Variants in MSH6 observed in about 807,000 individuals in gnomAD.
MSH6 encodes the protein DNA mismatch repair protein Msh6.
A neutral mutation model predicts 119.1 loss-of-function variants in MSH6; 85 were observed. The observed-to-expected ratio is 0.71, with a 90% CI of 0.60 to 0.85. The LOEUF (loss-of-function observed/expected upper bound fraction) is 0.85. Ranked by LOEUF, MSH6 falls within the 40% of genes least tolerant of loss-of-function variation. The probability of loss-of-function intolerance (pLI) is 0.00; values close to 1 mark genes in which losing one functional copy is unlikely to be tolerated. For synonymous variants in MSH6, 830 were observed against 586.9 expected (o/e 1.41, Z -5.99); for missense variants, 2,163 against 1,655.3 (o/e 1.31, Z -5.32).
At chr2:47,788,721 C>T (rs1330015400) in intron 1 of MSH6, among the ~76,000 whole-genome samples, 2 of 149,938 alleles carry the variant, frequency 1.3e-5, no homozygotes, top group Admixed American at 1.3e-4. Context: ...AGGCGCCTGC[C>T]ACCATGCCCA....
chr2:47,800,557 T>C lies in MSH6; in HGVS notation c.2574T>C (p.Phe858=), dbSNP rs1669483395. The change falls in exon 4 of 10, where the codon TTT becomes TTC. Residue 858 remains phenylalanine (F), a synonymous_variant. Coordinates refer to ENST00000234420, the MANE Select transcript of MSH6 (RefSeq NM_000179.3). ...ACAGCAAGAAGAAGATTATTGATTT[T>C]CTTTCTGCTCTGGAAGGATTCAAAG... The part of the protein sequence containing the change: ...TTYSKKKIID[F]LSALEGFKVM... 6.2e-7 allele frequency: 1 copy of C among 1,613,774 alleles called. No individual in the cohort carries two copies. Among genetic ancestry groups the C allele is most frequent in the Non-Finnish European group, 8.5e-7 (1 of 1,179,964 alleles).
intron 3 of MSH6, chr2:47,798,015 G>T: frequency 4.7e-6 from 1 of 213,836 alleles, no homozygotes; most frequent in East Asian, 1.1e-4. Context: ...TGCTTTCCCT[G>T]GGCAGAGAAT....
chr2:47,798,450 A>C (rs34553984), intron 3 of MSH6, among the ~76,000 whole-genome samples, 161 bp from the exon 4 acceptor site: 26 of 152,382 alleles, frequency 1.7e-4, no homozygotes, highest in Admixed American at 1.4e-3. Context: ...TATAATAAGG[A>C]ATTGCCTATC....
rs1194694864 is a variant in MSH6, at chr2:47,800,586, TGTGTAAAA to T, written c.2604_2611del (p.Met868IlefsTer10). 6.2e-7 allele frequency: 1 copy of T among 1,613,926 alleles called. No homozygotes were observed. Among genetic ancestry groups the T allele is most frequent in the Non-Finnish European group, 8.5e-7 (1 of 1,180,002 alleles). ...TCTGCTCTGGAAGGATTCAAAGTAA[TGTGTAAAA>T]TTATAGGGATCATGGAAGAAGTTGC... On this transcript the variant is annotated frameshift_variant, in exon 4 of 10. Transcript: ENST00000234420. LOFTEE classifies it high-confidence loss of function.
At chr2:47,783,671 G>C in intron 1 of MSH6, 178 bp downstream of exon 1, 2 of 603,864 alleles carry the variant, frequency 3.3e-6, no homozygotes, top group Non-Finnish European at 2.6e-6. Flanking sequence ...AGCATTTGGG[G>C]GTGTAGCTTG....
chr2:47,794,079 G>A (rs536568867), intron 2 of MSH6, among the ~76,000 whole-genome samples: 28 of 150,288 alleles, frequency 1.9e-4, no homozygotes, highest in African/African-American at 5.1e-4. Context: ...GGTGGCTCAC[G>A]CCTGTAATCC....
rs747477669 is a variant in MSH6 at position 47,796,061 on chromosome 2, G to T, written c.625G>T (p.Glu209Ter). 1 of 1,614,140 alleles carries T rather than the reference G, an allele frequency of 6.2e-7. No homozygotes were observed. The highest frequency in any genetic ancestry group is 1.1e-5 in the South Asian group (1 of 91,086). ...AGAGCCAGAAGAGGAAGAAGAGATGGAGGTGGGACACGGCAAGCATTCAGT... is the reference window on the plus strand; with the variant it reads ...AGAGCCAGAAGAGGAAGAAGAGATGTAGGTGGGACACGGCAAGCATTCAGT... Reference protein sequence around the residue: ...PSEPEEEEEMEVGTTYVTDKS... With the variant: ...PSEPEEEEEM The change falls in exon 3 of 10, where the codon GAG becomes TAG. Residue 209 changes from glutamate to a stop codon, truncating the protein, a stop_gained and splice_region_variant. Transcript: ENST00000234420. LOFTEE classifies it high-confidence loss of function.
Position 47,799,983 on chromosome 2 carries a change from A to AT in MSH6, c.2002dup (p.Ser668PhefsTer11). The AT allele has an allele frequency of 6.2e-7, 1 of 1,614,096 alleles. No homozygotes were observed. The highest frequency in any genetic ancestry group is 8.5e-7 in the Non-Finnish European group (1 of 1,180,006). ...CTTAAAGGTATGACTTCAGAGTCTGATTCCATTGGGTTGACACCAGGAGAG... is the reference window on the plus strand; with the variant it reads ...CTTAAAGGTATGACTTCAGAGTCTGATTTCCATTGGGTTGACACCAGGAGAG... On this transcript the variant is annotated frameshift_variant, in exon 4 of 10. Coordinates refer to ENST00000234420, the MANE Select transcript of MSH6 (RefSeq NM_000179.3). LOFTEE classifies it high-confidence loss of function.
At chr2:47,796,681 C>T (rs887650672) in intron 3 of MSH6, among the ~76,000 whole-genome samples, 14 of 152,202 alleles carry the variant, frequency 9.2e-5, no homozygotes, top group African/African-American at 3.1e-4. Flanking sequence ...TTGTTAGGGG[C>T]CAGGTGTGGT....
chr2:47,793,994 A>G (rs1668917671), intron 2 of MSH6, among the ~76,000 whole-genome samples: 1 of 151,690 alleles, frequency 6.6e-6, no homozygotes, highest in Non-Finnish European at 1.5e-5. Context: ...GGCCTCCCAA[A>G]GTGCTGGGAT....
rs1669783413 is a variant in MSH6, at chr2:47,803,828, T to TATAAA, written c.3438+146_3438+150dup. ...AGCAAAGGGAAATTACTCCCTGTGT[T>TATAAA]ATAAAATTGAGAATTATATTTAGCT... is the stretch of plus-strand genomic sequence containing the variant. On this transcript the variant is annotated intron_variant, in intron 5 of 9. Transcript: ENST00000234420. 3.1e-5 allele frequency: 27 copies of TATAAA among 862,376 alleles called. No homozygotes were observed. In the East Asian group the frequency reaches 6.9e-4, roughly 22 times the overall value. 53.4% of individuals were successfully genotyped at this position (862,376 alleles called of 1,614,324 possible). A position where few individuals can be genotyped will look rare whatever the true frequency, so the allele number is the denominator to read the frequency against.
At chr2:47,791,605 C>T (rs1035446637) in intron 2 of MSH6, among the ~76,000 whole-genome samples, 2 of 151,966 alleles carry the variant, frequency 1.3e-5, no homozygotes, top group African/African-American at 4.8e-5. Context: ...CAGACATCAA[C>T]AGCCTGGCAT....
In MSH6 at chr2:47,790,621, G is replaced by T. The variant is rs367650359; in HGVS notation, c.261-306G>T. 2.0e-5 allele frequency among the ~76,000 whole-genome samples: 3 copies of T among 152,266 alleles called. No homozygotes were observed. In the South Asian group the frequency reaches 6.2e-4, roughly 32 times the overall value. The stretch of plus-strand genomic sequence containing the variant: ...TGGAGAGCATATACAGTGAGTCCAT[G>T]CCTTTTTCCTGCCATCAGCATTATA... On this transcript the variant is annotated intron_variant, in intron 1 of 9. Coordinates refer to ENST00000234420, the MANE Select transcript of MSH6 (RefSeq NM_000179.3).
intron 1 of MSH6, among the ~76,000 whole-genome samples, chr2:47,789,687 G>T (rs1253790649): frequency 1.3e-5 from 2 of 152,126 alleles, no homozygotes; most frequent in African/African-American, 2.4e-5. Context: ...GGATGTCCAA[G>T]TCCCTTATGA....
intron 1 of MSH6, among the ~76,000 whole-genome samples, chr2:47,788,928 T>TTTGTTTTTGTTTTTTTTTTTTTTG: frequency 1.2e-5 from 1 of 84,228 alleles, no homozygotes; most frequent in African/African-American, 5.7e-5. Flanking sequence ...TTTTGTTTTT[T>TTTGTTTTTGTTTTTTTTTTTTTTG]TTTTTTTTTT....
rs1669304152 is a variant in MSH6, at chr2:47,799,160, G to C, written c.1177G>C (p.Ala393Pro). ...GAGGCCTGATCACCCCGATTTTGAT[G>C]CATCTACACTCTATGTGCCTGAGGA... ...RRRPDHPDFD[A>P]STLYVPEDFL... is the part of the protein sequence containing the mutation. The change falls in exon 4 of 10, where the codon GCA becomes CCA. Residue 393 changes from alanine (A) to proline (P), a missense_variant. Physicochemically the swap from Ala to Pro is conservative, Grantham distance 27. Transcript: ENST00000234420. The C allele has an allele frequency of 6.2e-7, 1 of 1,613,256 alleles. No individual in the cohort carries two copies. Among genetic ancestry groups the C allele is most frequent in the Non-Finnish European group, 8.5e-7 (1 of 1,179,764 alleles).
intron 2 of MSH6, among the ~76,000 whole-genome samples, chr2:47,794,617 T>A (rs912468508): frequency 2.0e-5 from 3 of 151,988 alleles, no homozygotes; most frequent in African/African-American, 7.2e-5. Flanking sequence ...GAAATAAATT[T>A]TAACGCGTTG....
In MSH6 at chr2:47,799,588, C is replaced by T. The variant is rs2104354873; in HGVS notation, c.1605C>T (p.Tyr535=). 2 of 1,614,208 alleles carry T rather than the reference C, an allele frequency of 1.2e-6. No homozygotes were observed. Among genetic ancestry groups the T allele is most frequent in the Non-Finnish European group, 1.7e-6 (2 of 1,180,034 alleles). ...SVLEGDPSEN[Y]SKYLLSLKEK... ...TGGAAGGTGATCCCTCTGAGAACTA[C>T]AGTAAGTATCTTCTTAGCCTCAAAG... The change falls in exon 4 of 10, where the codon TAC becomes TAT. Residue 535 remains tyrosine, a synonymous_variant. Coordinates refer to ENST00000234420, the MANE Select transcript of MSH6 (RefSeq NM_000179.3).
intron 4 of MSH6, among the ~76,000 whole-genome samples, chr2:47,802,686 A>G (rs1037711484): frequency 2.7e-5 from 4 of 150,368 alleles, no homozygotes; most frequent in East Asian, 3.9e-4. Flanking sequence ...TGAATTTGTA[A>G]CACAGTAACA....
Sources: gnomAD v4.1 joint callset for allele counts (sites outside exome capture counted in the v4.1 genomes callset) on GRCh38, gnomAD v4.1.1 for gene constraint, MANE v1.5 for transcripts, NCBI Gene and HGNC (gene_info 2026-07-23, HGNC 2026-07-21) for gene names.